LRFN5: variants seen among roughly 807,000 people sequenced by gnomAD.
LRFN5 encodes the protein leucine-rich repeat and fibronectin type-III domain-containing protein 5.
LRFN5 carries 24 observed loss-of-function variants against 45.6 expected under a neutral mutation model. The ratio of observed to expected loss-of-function variants is 0.53; its 90% CI spans 0.38 to 0.74. The LOEUF (loss-of-function observed/expected upper bound fraction) is 0.74, where lower values mean the gene tolerates loss of function less well. LRFN5 is among the 30% of genes least tolerant of loss of function. The pLI, the probability that LRFN5 is intolerant of heterozygous loss-of-function variation, is 0.00. For missense variants in LRFN5, 776 were observed against 861.5 expected, an observed-to-expected ratio of 0.90 and a Z score of 1.24; for synonymous variants, 340 against 313.8, an observed-to-expected ratio of 1.08 and a Z score of -0.88.
chr14:41,680,328 G>A (rs1254803355), intron 1 of LRFN5, among the ~76,000 whole-genome samples: 2 of 152,192 alleles, frequency 1.3e-5, no homozygotes, highest in Non-Finnish European at 2.9e-5. Flanking sequence ...TGTTGTTATG[G>A]CTTCAGGTCT....
At chr14:41,871,741 C>A (rs151025564) in intron 2 of LRFN5, among the ~76,000 whole-genome samples, 103 of 152,192 alleles carry the variant, frequency 6.8e-4, no homozygotes, top group African/African-American at 2.4e-3. Flanking sequence ...TCTCTCCCAC[C>A]CTGATTTAAA....
intron 1 of LRFN5, among the ~76,000 whole-genome samples, chr14:41,617,983 C>T (rs1887981570): frequency 6.6e-6 from 1 of 152,018 alleles, no homozygotes; most frequent in African/African-American, 2.4e-5. Flanking sequence ...CTTGTGTAGA[C>T]TGCTGTTGAT....
chr14:41,664,448 T>TAG (rs1297799151), intron 1 of LRFN5, among the ~76,000 whole-genome samples: 2 of 151,998 alleles, frequency 1.3e-5, no homozygotes, highest in Admixed American at 1.3e-4. Context: ...GTTTGAGAAT[T>TAG]AACTAAGTCC....
intron 2 of LRFN5, among the ~76,000 whole-genome samples, chr14:41,833,377 G>GCCA (rs1372747788): frequency 6.6e-6 from 1 of 152,130 alleles, no homozygotes; most frequent in East Asian, 1.9e-4. Context: ...GAGAGGTCTA[G>GCCA]CCACATCCGC....
chr14:41,672,567 ATAAAG>A (rs2138662663), intron 1 of LRFN5, among the ~76,000 whole-genome samples: 1 of 152,332 alleles, frequency 6.6e-6, no homozygotes, highest in South Asian at 2.1e-4. Flanking sequence ...ATTAGAATCA[ATAAAG>A]TAACAAATTT....
intron 2 of LRFN5, among the ~76,000 whole-genome samples, chr14:41,779,335 C>G (rs1310527658): frequency 6.6e-6 from 1 of 151,778 alleles, no homozygotes; most frequent in Non-Finnish European, 1.5e-5. Flanking sequence ...CTGATTTCAT[C>G]ATGGTGTATA....
chr14:41,872,321 A>G (rs911269321), intron 2 of LRFN5, among the ~76,000 whole-genome samples: 9 of 152,314 alleles, frequency 5.9e-5, no homozygotes, highest in African/African-American at 1.9e-4. Flanking sequence ...GCTACACACA[A>G]AAAGTATCTA....
At chr14:41,861,196 T>G (rs1186110191) in intron 2 of LRFN5, among the ~76,000 whole-genome samples, 1 of 152,212 alleles carries the variant, frequency 6.6e-6, no homozygotes, top group Non-Finnish European at 1.5e-5. Context: ...ACACCCTATT[T>G]TTCATCAAAA....
intron 1 of LRFN5, among the ~76,000 whole-genome samples, chr14:41,743,306 A>G (rs1884785550): frequency 6.6e-6 from 1 of 151,482 alleles, no homozygotes; most frequent in South Asian, 2.1e-4. Flanking sequence ...CAAGGTGATC[A>G]GATATGAAAT....
At chr14:41,620,224 G>A (rs905711836) in intron 1 of LRFN5, among the ~76,000 whole-genome samples, 7 of 151,824 alleles carry the variant, frequency 4.6e-5, no homozygotes, top group Non-Finnish European at 8.8e-5. Flanking sequence ...TAAAATAAAA[G>A]CAAACTTTCC....
At chr14:41,833,206 G>T (rs1019106916) in intron 2 of LRFN5, among the ~76,000 whole-genome samples, 6 of 152,052 alleles carry the variant, frequency 3.9e-5, no homozygotes, top group African/African-American at 1.4e-4. Flanking sequence ...ATGTTTTTAC[G>T]AGCCCATTGA....
chr14:41,614,420 A>G (rs1185110059), intron 1 of LRFN5, among the ~76,000 whole-genome samples: 2 of 152,162 alleles, frequency 1.3e-5, no homozygotes, highest in African/African-American at 4.8e-5. Flanking sequence ...TGACTGTTCA[A>G]ATATCAGGCA....
chr14:41,755,102 T>C (rs564865158), intron 1 of LRFN5, among the ~76,000 whole-genome samples: 2 of 152,342 alleles, frequency 1.3e-5, no homozygotes, highest in East Asian at 3.9e-4. Context: ...TCCTGAGTTC[T>C]AGTTTGATTG....
intron 2 of LRFN5, among the ~76,000 whole-genome samples, chr14:41,822,283 T>C (rs528751450): frequency 3.7e-4 from 56 of 152,160 alleles, no homozygotes; most frequent in African/African-American, 1.2e-3. Context: ...ATCCTTTCAA[T>C]GTAGGCATTT....
intron 2 of LRFN5, among the ~76,000 whole-genome samples, chr14:41,865,788 A>T (rs1889819758): frequency 6.6e-6 from 1 of 152,016 alleles, no homozygotes; most frequent in African/African-American, 2.4e-5. Flanking sequence ...GTATCTCATT[A>T]TTGTTTTGTT....
At chr14:41,876,933 GAGACAAAGAA>G (rs1890207765) in intron 2 of LRFN5, among the ~76,000 whole-genome samples, 1 of 152,104 alleles carries the variant, frequency 6.6e-6, no homozygotes, top group South Asian at 2.1e-4. Flanking sequence ...ATTGTAAAGA[GAGACAAAGAA>G]AATAAACGAG....
chr14:41,833,325 T>C (rs1888548645), intron 2 of LRFN5, among the ~76,000 whole-genome samples: 1 of 152,196 alleles, frequency 6.6e-6, no homozygotes, highest in Admixed American at 6.5e-5. Context: ...GTGATGAGCA[T>C]TCAGAGAGGG....
intron 2 of LRFN5, among the ~76,000 whole-genome samples, chr14:41,837,417 TC>T (rs1888701557): frequency 6.6e-6 from 1 of 152,112 alleles, no homozygotes; most frequent in African/African-American, 2.4e-5. Context: ...TCCATTGGCT[TC>T]TTAGTCTCCT....
intron 3 of LRFN5, among the ~76,000 whole-genome samples, chr14:41,888,877 C>T (rs1444879165): frequency 1.3e-5 from 2 of 151,828 alleles, no homozygotes; most frequent in South Asian, 4.2e-4. Context: ...CATATTTTTA[C>T]CCTTTCATAT....
Sources: gnomAD v4.1 joint callset for allele counts (sites outside exome capture counted in the v4.1 genomes callset) on GRCh38, gnomAD v4.1.1 for gene constraint, MANE v1.5 for transcripts, NCBI Gene and HGNC (gene_info 2026-07-23, HGNC 2026-07-21) for gene names.